Variants in DTD1 observed in about 807,000 individuals in gnomAD.
The protein encoded by DTD1 is D-tyrosyl-tRNA deacylase 1 homolog.
In DTD1, 13 loss-of-function variants were observed where a neutral mutation model predicts 25.6. That is an observed-to-expected ratio of 0.51 (90% CI 0.33 to 0.81). The LOEUF is 0.81. Among genes scored for constraint, DTD1 ranks in the 30% least tolerant of loss-of-function variants. The pLI is 0.02. For missense variants in DTD1, 193 were observed against 266.4 expected (o/e 0.72, Z 1.92); for synonymous variants, 110 against 103.6 (o/e 1.06, Z -0.37).
At chr20:18,700,095 C>G (rs879839623) in intron 4 of DTD1, among the ~76,000 whole-genome samples, 5 of 152,184 alleles carry the variant, frequency 3.3e-5, no homozygotes, top group South Asian at 2.1e-4. Flanking sequence ...CTTGATACTT[C>G]TGAAGACACA....
At chr20:18,700,817 A>AGAG (rs2061101923) in intron 4 of DTD1, among the ~76,000 whole-genome samples, 1 of 152,186 alleles carries the variant, frequency 6.6e-6, no homozygotes, top group South Asian at 2.1e-4. Context: ...GCAAAGGCTC[A>AGAG]GAGGAAGGGG....
intron 4 of DTD1, among the ~76,000 whole-genome samples, chr20:18,699,310 G>T (rs1387866701): frequency 6.6e-6 from 1 of 152,166 alleles, no homozygotes; most frequent in Non-Finnish European, 1.5e-5. Context: ...GAGTCTCTGT[G>T]CAGGAGGCTT....
chr20:18,657,980 C>G (rs2060896669), intron 4 of DTD1, among the ~76,000 whole-genome samples: 1 of 152,130 alleles, frequency 6.6e-6, no homozygotes, highest in African/African-American at 2.4e-5. Context: ...GGGGAGTACA[C>G]AGGGCCTGAA....
At chr20:18,727,486 G>A (rs369082807) in intron 4 of DTD1, among the ~76,000 whole-genome samples, 2 of 152,084 alleles carry the variant, frequency 1.3e-5, no homozygotes, top group East Asian at 1.9e-4. Flanking sequence ...GATGCTCTTC[G>A]GCCCTGAAGG....
chr20:18,717,881 A>G (rs1261418693), intron 4 of DTD1, among the ~76,000 whole-genome samples: 2 of 152,170 alleles, frequency 1.3e-5, no homozygotes, highest in African/African-American at 2.4e-5. Flanking sequence ...GGATGTGGAG[A>G]AATTAGTTAG....
rs11476959 is a variant in DTD1, at chr20:18,673,906, G to GT, written c.477+45685dup. 9.1e-3 allele frequency among the ~76,000 whole-genome samples: 1,342 copies of GT among 146,774 alleles called. 10 individuals are homozygous for GT. Among genetic ancestry groups the GT allele is most frequent in the African/African-American group, 0.026 (1,045 of 40,302 alleles). On this transcript the variant is annotated intron_variant, in intron 4 of 5. Coordinates refer to ENST00000377452, the MANE Select transcript of DTD1 (RefSeq NM_080820.6). ...AAAAATGAAATAAAACCCTATGTTA[G>GT]TTTTTTTTTTTTATTTAGAACTAAC...
intron 4 of DTD1, among the ~76,000 whole-genome samples, chr20:18,680,330 G>T (rs2060991657): frequency 6.7e-6 from 1 of 150,190 alleles, no homozygotes; most frequent in Non-Finnish European, 1.5e-5. Context: ...GACTAAAGGT[G>T]TGTGCCACCA....
intron 4 of DTD1, among the ~76,000 whole-genome samples, chr20:18,743,673 C>CAAAAAAAA (rs11474877): frequency 4.8e-5 from 5 of 105,108 alleles, no homozygotes; most frequent in African/African-American, 1.2e-4. Context: ...GACCCTGTCT[C>CAAAAAAAA]AAAAAAAAAA....
At chr20:18,616,109 C>G (rs2060707833) in intron 3 of DTD1, among the ~76,000 whole-genome samples, 1 of 152,172 alleles carries the variant, frequency 6.6e-6, no homozygotes, top group Non-Finnish European at 1.5e-5. Context: ...GGGATCGTGT[C>G]TTCATTGTTA....
intron 4 of DTD1, among the ~76,000 whole-genome samples, chr20:18,694,694 C>T (rs865866643): frequency 3.3e-5 from 5 of 152,174 alleles, no homozygotes; most frequent in South Asian, 4.2e-4. Context: ...GGACATGCCT[C>T]GGTGAGATTC....
chr20:18,681,693 A>G (rs1370177504), intron 4 of DTD1, among the ~76,000 whole-genome samples: 11 of 152,212 alleles, frequency 7.2e-5, no homozygotes, highest in Non-Finnish European at 1.6e-4. Context: ...GAAATGAAAC[A>G]AAAACACACT....
At chr20:18,759,479 CT>C (rs1233518122) in intron 5 of DTD1, among the ~76,000 whole-genome samples, 1 of 152,182 alleles carries the variant, frequency 6.6e-6, no homozygotes, top group Non-Finnish European at 1.5e-5. Flanking sequence ...TATTTTATTT[CT>C]CCTTCACTTA....
intron 4 of DTD1, among the ~76,000 whole-genome samples, chr20:18,682,422 A>T (rs965127657): frequency 2.0e-5 from 3 of 152,174 alleles, no homozygotes; most frequent in African/African-American, 7.2e-5. Context: ...TAATCCACTA[A>T]TAGTGTCTTG....
At chr20:18,695,443 CCCCTTCCCCTTCTTT>C (rs1568671798) in intron 4 of DTD1, among the ~76,000 whole-genome samples, 1 of 84,416 alleles carries the variant, frequency 1.2e-5, no homozygotes, top group African/African-American at 4.7e-5. Context: ...TCCCCTTCTT[CCCCTTCCCCTTCTTT>C]CCCTTCCCCT....
In DTD1 at chr20:18,708,262, ATTT is replaced by A. The variant is rs1244321776; in HGVS notation, c.478-35836_478-35834del. Among the ~76,000 whole-genome samples the A allele has an allele frequency of 2.1e-3, 75 of 35,648 alleles. 2 individuals are homozygous for A. The South Asian group carries it at 0.04, about 19-fold the overall frequency. The allele number at this position is 35,648 out of a possible 152,430, so 23.4% of individuals were successfully genotyped here. ...TATATATAATATATATTATATATAT[ATTT>A]TATATATATATAATATATATTATAT... is the stretch of plus-strand genomic sequence containing the variant. On this transcript the variant is annotated intron_variant, in intron 4 of 5. Transcript: ENST00000377452.
At chr20:18,662,598 T>C (rs932558391) in intron 4 of DTD1, among the ~76,000 whole-genome samples, 1 of 152,158 alleles carries the variant, frequency 6.6e-6, no homozygotes, top group African/African-American at 2.4e-5. Context: ...ACAACCAAAA[T>C]GCTAATCAGT....
At chr20:18,635,632 A>G (rs767565528) in intron 4 of DTD1, among the ~76,000 whole-genome samples, 2 of 152,188 alleles carry the variant, frequency 1.3e-5, no homozygotes, top group African/African-American at 2.4e-5. Flanking sequence ...TGCCTATTGC[A>G]TGAATATTTG....
chr20:18,593,642 G>T, intron 1 of DTD1, 89 bp from the exon 2 acceptor site: 2 of 859,402 alleles, frequency 2.3e-6, no homozygotes, highest in South Asian at 1.4e-5. Context: ...AAGTATGTAT[G>T]ATGTTTAAAA....
intron 1 of DTD1, chr20:18,588,774 G>C: frequency 1.0e-6 from 1 of 985,288 alleles, no homozygotes; most frequent in Non-Finnish European, 1.2e-6. Flanking sequence ...TCTTTTTCTT[G>C]TGGACCAAGC....
Sources: gnomAD v4.1 joint callset for allele counts (sites outside exome capture counted in the v4.1 genomes callset) on GRCh38, gnomAD v4.1.1 for gene constraint, MANE v1.5 for transcripts, NCBI Gene and HGNC (gene_info 2026-07-23, HGNC 2026-07-21) for gene names.